The following ARHGAP15 variants were observed in gnomAD, a reference collection of about 807,000 sequenced individuals.
The protein encoded by ARHGAP15 is rho GTPase-activating protein 15.
ARHGAP15 carries 51 observed loss-of-function variants against 63.7 expected under a neutral mutation model. The ratio of observed to expected loss-of-function variants is 0.80; its 90% confidence interval spans 0.64 to 1.01. The LOEUF is 1.01. ARHGAP15 is among the 50% of genes least tolerant of loss of function. The pLI is 0.00. For synonymous variants in ARHGAP15, 191 were observed against 193.8 expected, an observed-to-expected ratio of 0.99 and a Z score of 0.12; for missense variants, 560 against 564.6, an observed-to-expected ratio of 0.99 and a Z score of 0.08.
chr2:143,645,821 A>G (rs967235656), intron 12 of ARHGAP15, among the ~76,000 whole-genome samples: 1 of 152,056 alleles, frequency 6.6e-6, no homozygotes, highest in African/African-American at 2.4e-5. Flanking sequence ...AAGCTTTTTT[A>G]AAAAATATTT....
At chr2:143,295,849 C>T (rs1208755771) in intron 6 of ARHGAP15, among the ~76,000 whole-genome samples, 7 of 151,912 alleles carry the variant, frequency 4.6e-5, no homozygotes, top group Non-Finnish European at 8.8e-5. Context: ...TAAGGAACTA[C>T]GTATGTAGGC....
At chr2:143,627,714 G>A (rs1387546910) in intron 12 of ARHGAP15, among the ~76,000 whole-genome samples, 1 of 152,062 alleles carries the variant, frequency 6.6e-6, no homozygotes, top group East Asian at 1.9e-4. Context: ...AGGACAAAGA[G>A]GCTGGGTCTG....
intron 2 of ARHGAP15, chr2:143,171,855 T>C (rs796896699): frequency 2.6e-5 from 4 of 152,100 alleles, no homozygotes; most frequent in African/African-American, 9.7e-5. Context: ...TTTTTTCTCT[T>C]TTTCTTTTTA....
At chr2:143,346,209 C>T (rs1316617799) in intron 6 of ARHGAP15, among the ~76,000 whole-genome samples, 1 of 134,660 alleles carries the variant, frequency 7.4e-6, no homozygotes, top group East Asian at 2.0e-4. Flanking sequence ...CTCTCACACA[C>T]ACACTCTCTC....
intron 2 of ARHGAP15, among the ~76,000 whole-genome samples, chr2:143,166,111 G>C (rs1435825885): frequency 6.6e-6 from 1 of 151,994 alleles, no homozygotes; most frequent in Non-Finnish European, 1.5e-5. Context: ...AATTACCTTT[G>C]ACTTTTAGAC....
In ARHGAP15 at chr2:143,414,410, A is replaced by G. The variant is rs191523845; in HGVS notation, c.475-21191A>G. On this transcript the variant is annotated intron_variant, in intron 6 of 13. Coordinates refer to ENST00000295095, the MANE Select transcript of ARHGAP15 (RefSeq NM_018460.4). Reference sequence around the variant, plus strand: ...GAAATGTCTTACAAAAAGTATTTGCATAAAACTCCATTAATAACTCAGAAA... The same window carrying G: ...GAAATGTCTTACAAAAAGTATTTGCGTAAAACTCCATTAATAACTCAGAAA... Among the ~76,000 whole-genome samples the G allele has an allele frequency of 6.4e-3, 980 of 152,258 alleles. 2 individuals carry two copies. Among genetic ancestry groups the G allele is most frequent in the South Asian group, 0.013 (65 of 4,824 alleles).
At chr2:143,143,020 G>A (rs566159489) in intron 1 of ARHGAP15, among the ~76,000 whole-genome samples, 16 of 152,012 alleles carry the variant, frequency 1.1e-4, no homozygotes, top group African/African-American at 2.4e-5. Flanking sequence ...TTCACTTTGT[G>A]AAGCACCTAA....
chr2:143,188,237 T>C (rs1691524608), intron 2 of ARHGAP15, among the ~76,000 whole-genome samples: 1 of 152,140 alleles, frequency 6.6e-6, no homozygotes, highest in Non-Finnish European at 1.5e-5. Context: ...TTTAGTTCAA[T>C]TACTAATTGA....
In ARHGAP15 at chr2:143,133,390, T is replaced by TTTTG. The variant is rs201737035; in HGVS notation, c.-15+3925_-15+3928dup. Among the ~76,000 whole-genome samples, 51 of 152,248 alleles carry TTTTG rather than the reference T, an allele frequency of 3.3e-4. No individual in the cohort carries two copies. The East Asian group carries it at 9.3e-3, about 28-fold the overall frequency. On this transcript the variant is annotated intron_variant, in intron 1 of 13. Transcript: ENST00000295095. Reference sequence around the variant, plus strand: ...ACCTGGATATAAGTAACAGCAGGGTTTTTGAGCAGGGGAGATACGTAATTG... The same window carrying TTTTG: ...ACCTGGATATAAGTAACAGCAGGGTTTTTGTTTGAGCAGGGGAGATACGTAATTG...
At chr2:143,153,728 C>G (rs780626971) in intron 1 of ARHGAP15, among the ~76,000 whole-genome samples, 8 of 151,688 alleles carry the variant, frequency 5.3e-5, no homozygotes, top group Non-Finnish European at 1.0e-4. Context: ...TGTTAGCATA[C>G]CTTAGTTGGC....
At chr2:143,186,136 A>G (rs931233985) in intron 2 of ARHGAP15, among the ~76,000 whole-genome samples, 1 of 152,236 alleles carries the variant, frequency 6.6e-6, no homozygotes, top group African/African-American at 2.4e-5. Context: ...GATGAGGGAC[A>G]TAAAATTAGT....
Position 143,465,289 on chromosome 2 carries a change from G to C in ARHGAP15, c.704-22084G>C, listed in dbSNP as rs913248142. 1.4e-4 allele frequency among the ~76,000 whole-genome samples: 21 copies of C among 152,294 alleles called. 1 individual carries two copies. Among genetic ancestry groups the C allele is most frequent in the Admixed American group, 9.2e-4 (14 of 15,292 alleles). The stretch of plus-strand genomic sequence containing the variant: ...AGAGGAATAGTGGGCACTGCTCTCA[G>C]TTTTAAACGAATTTCTGTGGCTGGC... On this transcript the variant is annotated intron_variant, in intron 8 of 13. Coordinates refer to ENST00000295095, the MANE Select transcript of ARHGAP15 (RefSeq NM_018460.4).
intron 11 of ARHGAP15, among the ~76,000 whole-genome samples, chr2:143,580,203 G>A (rs1472159661): frequency 6.6e-6 from 1 of 151,780 alleles, no homozygotes; most frequent in Non-Finnish European, 1.5e-5. Context: ...GGTGAAAGAA[G>A]TTGTCCCAAC....
intron 12 of ARHGAP15, among the ~76,000 whole-genome samples, chr2:143,655,081 A>C (rs1295150013): frequency 6.6e-6 from 1 of 152,170 alleles, no homozygotes; most frequent in Non-Finnish European, 1.5e-5. Flanking sequence ...ATGTTAAAAT[A>C]CGAATTCTGA....
At chr2:143,581,377 C>T (rs2105145001) in intron 11 of ARHGAP15, among the ~76,000 whole-genome samples, 1 of 152,168 alleles carries the variant, frequency 6.6e-6, no homozygotes, top group Admixed American at 6.6e-5. Context: ...CCCTTCCACC[C>T]CACAGCCCCA....
intron 6 of ARHGAP15, among the ~76,000 whole-genome samples, chr2:143,372,563 A>AG (rs1686609513): frequency 6.6e-6 from 1 of 152,150 alleles, no homozygotes; most frequent in African/African-American, 2.4e-5. Flanking sequence ...TTCATATTGT[A>AG]TATTCCAAAG....
chr2:143,440,904 C>A (rs1338995403), intron 8 of ARHGAP15, among the ~76,000 whole-genome samples: 1 of 152,148 alleles, frequency 6.6e-6, no homozygotes, highest in Admixed American at 6.5e-5. Context: ...TTGTCTTCCA[C>A]TGACAGCAAA....
intron 2 of ARHGAP15, among the ~76,000 whole-genome samples, chr2:143,159,460 C>A (rs1690206773): frequency 6.6e-6 from 1 of 151,832 alleles, no homozygotes; most frequent in South Asian, 2.1e-4. Context: ...AGGTTTGAGG[C>A]TTTGTTTGTA....
At chr2:143,752,342 G>A (rs1238337999) in intron 13 of ARHGAP15, among the ~76,000 whole-genome samples, 1 of 152,146 alleles carries the variant, frequency 6.6e-6, no homozygotes, top group Non-Finnish European at 1.5e-5. Flanking sequence ...TCAATTCATT[G>A]ACCTTGGAGT....
Sources: allele counts gnomAD v4.1 joint callset (sites outside exome capture counted in the v4.1 genomes callset), GRCh38; gene constraint gnomAD v4.1.1; transcripts MANE v1.5; gene names NCBI Gene and HGNC (gene_info 2026-07-23, HGNC 2026-07-21).